Variants in LNX2 observed in about 807,000 individuals in gnomAD.
The protein encoded by LNX2 is ligand of numb-protein X 2.
LNX2 carries 35 observed loss-of-function variants against 66.2 expected under a neutral mutation model. The observed-to-expected ratio is 0.53, with a 90% CI of 0.40 to 0.70. The LOEUF is 0.70. Ranked by LOEUF, LNX2 falls within the 30% of genes least tolerant of loss-of-function variation. The pLI is 0.00. For missense variants in LNX2, 791 were observed against 850.8 expected (o/e 0.93, Z 0.87); for synonymous variants, 337 against 315.6 (o/e 1.07, Z -0.72).
chr13:27,567,013 C>T (rs951308081), intron 4 of LNX2, among the ~76,000 whole-genome samples: 1 of 152,028 alleles, frequency 6.6e-6, no homozygotes, highest in African/African-American at 2.4e-5. Flanking sequence ...CTGGAGAATA[C>T]CTGTTTCTTC....
At chr13:27,613,332 G>C (rs1023957700) in intron 1 of LNX2, among the ~76,000 whole-genome samples, 3 of 152,090 alleles carry the variant, frequency 2.0e-5, no homozygotes, top group Non-Finnish European at 2.9e-5. Context: ...TGAGGGGGAG[G>C]GGGCACTCTA....
rs377695945 is a variant in LNX2 at position 27,562,437 on chromosome 13, C to A, written c.1200G>T (p.Pro400=). 1.9e-6 allele frequency: 3 copies of A among 1,613,864 alleles called. No homozygotes were observed. In the Admixed American group the frequency reaches 5.0e-5, roughly 27 times the overall value. The change falls in exon 5 of 10, where the codon CCG becomes CCT. Residue 400 remains proline (P), a synonymous_variant. Coordinates refer to ENST00000316334, the MANE Select transcript of LNX2 (RefSeq NM_153371.4). ...CCTGAATAATCTGGGCAGCAAGCTCCGGAGTTCCATACTTCAGGTCGTGCC... is the reference window on the plus strand; with the variant it reads ...CCTGAATAATCTGGGCAGCAAGCTCAGGAGTTCCATACTTCAGGTCGTGCC... The part of the protein sequence containing the change: ...INGHDLKYGT[P]ELAAQIIQAS...
Position 27,562,668 on chromosome 13 carries a change from T to C in LNX2, c.969A>G (p.Arg323=). The change falls in exon 5 of 10, where the codon CGA becomes CGG. Residue 323 remains arginine (R), a synonymous_variant. Coordinates refer to ENST00000316334, the MANE Select transcript of LNX2 (RefSeq NM_153371.4). ...AGTTACTATCAGAATGGTTGTGTGC[T>C]CGGTTGCCAAAGCGCCTCTCTCGAA... The part of the protein sequence containing the change: ...TVLRERRFGN[R]AHNHSDSNSP... 1 of 1,614,160 alleles carries C rather than the reference T, an allele frequency of 6.2e-7. No homozygotes were observed. The highest frequency in any genetic ancestry group is 8.5e-7 in the Non-Finnish European group (1 of 1,180,024).
intron 1 of LNX2, among the ~76,000 whole-genome samples, chr13:27,594,319 T>C (rs1362947162): frequency 6.6e-6 from 1 of 152,168 alleles, no homozygotes; most frequent in Non-Finnish European, 1.5e-5. Flanking sequence ...ATCAATTGAT[T>C]TGAACTCAAC....
At chr13:27,585,833 G>A (rs1283438774) in intron 1 of LNX2, among the ~76,000 whole-genome samples, 1 of 151,872 alleles carries the variant, frequency 6.6e-6, no homozygotes, top group African/African-American at 2.4e-5. Flanking sequence ...GACTAAGAAA[G>A]TATTTAAGAC....
intron 1 of LNX2, among the ~76,000 whole-genome samples, chr13:27,583,223 TGTGTGTGTGTGTGTGTG>T (rs1955430956): frequency 5.4e-5 from 1 of 18,414 alleles, no homozygotes; most frequent in Non-Finnish European, 9.7e-5. Flanking sequence ...TGTGTGTGTG[TGTGTGTGTGTGTGTGTG>T]TGTGTGTGTG....
intron 1 of LNX2, among the ~76,000 whole-genome samples, chr13:27,596,832 T>C (rs1485641133): frequency 1.3e-5 from 2 of 152,192 alleles, no homozygotes; most frequent in Non-Finnish European, 2.9e-5. Flanking sequence ...TACAATTGAA[T>C]AGAGCCAACA....
intron 1 of LNX2, among the ~76,000 whole-genome samples, chr13:27,584,891 G>A (rs988330435): frequency 6.6e-5 from 10 of 151,884 alleles, no homozygotes; most frequent in African/African-American, 1.5e-4. Context: ...GCTGAGGCAG[G>A]TAGATCAACT....
intron 4 of LNX2, 113 bp from the exon 5 acceptor site, chr13:27,562,894 G>T: frequency 9.7e-7 from 1 of 1,028,822 alleles, no homozygotes; most frequent in Non-Finnish European, 1.4e-6. Flanking sequence ...TGCTAAGTAT[G>T]GTGAGAATGC....
chr13:27,590,902 AT>A (rs1454751411), intron 1 of LNX2, among the ~76,000 whole-genome samples: 1 of 152,224 alleles, frequency 6.6e-6, no homozygotes, highest in Non-Finnish European at 1.5e-5. Flanking sequence ...GACACCAATA[AT>A]TTAAAAAGCA....
At chr13:27,594,496 T>A (rs1454662263) in intron 1 of LNX2, among the ~76,000 whole-genome samples, 1 of 152,206 alleles carries the variant, frequency 6.6e-6, no homozygotes, top group Non-Finnish European at 1.5e-5. Flanking sequence ...TTCTTCTTCA[T>A]AATGAGATAA....
intron 1 of LNX2, among the ~76,000 whole-genome samples, chr13:27,607,434 C>T (rs979566340): frequency 4.6e-5 from 7 of 152,156 alleles, no homozygotes; most frequent in Non-Finnish European, 8.8e-5. Flanking sequence ...CGGTTACAAA[C>T]CAAGAGTTCT....
rs1322671112 is a variant in LNX2, at chr13:27,581,593, C to G, written c.111G>C (p.Leu37Phe). 8.7e-6 allele frequency: 14 copies of G among 1,614,142 alleles called. No individual in the cohort carries two copies. The highest frequency in any genetic ancestry group is 1.2e-5 in the Non-Finnish European group (14 of 1,180,034). ...CATCCACTTCATTCTGGTAATTGTA[C>G]AAATGGTTTTCTCTTGTCCAGTGCT... is the stretch of plus-strand genomic sequence containing the variant. ...GQQHWTRENH[L>F]YNYQNEVDDD... The change falls in exon 2 of 10, where the codon TTG becomes TTC. Residue 37 changes from leucine (L) to phenylalanine (F), a missense_variant. By Grantham distance (22) the Leu-to-Phe change is conservative. Coordinates refer to ENST00000316334, the MANE Select transcript of LNX2 (RefSeq NM_153371.4).
intron 1 of LNX2, among the ~76,000 whole-genome samples, chr13:27,605,472 T>C (rs1269095856): frequency 6.6e-6 from 1 of 152,178 alleles, no homozygotes; most frequent in African/African-American, 2.4e-5. Flanking sequence ...TAAACTAAAA[T>C]GATCTTTAAA....
At chr13:27,591,257 T>C (rs911954302) in intron 1 of LNX2, among the ~76,000 whole-genome samples, 12 of 152,334 alleles carry the variant, frequency 7.9e-5, no homozygotes, top group Middle Eastern at 3.4e-3. Context: ...TACATTGTAA[T>C]TCATTACAGA....
intron 2 of LNX2, among the ~76,000 whole-genome samples, chr13:27,569,504 C>G (rs1955251374): frequency 6.6e-6 from 1 of 152,088 alleles, no homozygotes; most frequent in African/African-American, 2.4e-5. Flanking sequence ...TGGTATGTAT[C>G]CAAAGAATAC....
In LNX2 at chr13:27,567,702, C is replaced by T. The variant is rs767530586; in HGVS notation, c.793G>A (p.Val265Ile). ...CTGGCAATGACCCCATCCCGATAGA[C>T]CTCCTGGATGACAATGTTAATCAAA... ...TPLINIVIQE[V>I]YRDGVIARDG... Residue 265 changes from valine to isoleucine, a missense_variant, in exon 4 of 10, where the codon GTC becomes ATC. Physicochemically the swap from Val to Ile is conservative, Grantham distance 29. Transcript: ENST00000316334. 2 of 1,613,946 alleles carry T rather than the reference C, an allele frequency of 1.2e-6. No homozygotes were observed. Among genetic ancestry groups the T allele is most frequent in the Non-Finnish European group, 1.7e-6 (2 of 1,179,922 alleles).
At chr13:27,557,218 G>A (rs1179480241) in intron 6 of LNX2, among the ~76,000 whole-genome samples, 1 of 151,934 alleles carries the variant, frequency 6.6e-6, no homozygotes, top group East Asian at 1.9e-4. Flanking sequence ...GCCTTTACAT[G>A]CATTATTTCA....
chr13:27,566,181 G>A (rs771402161), intron 4 of LNX2, among the ~76,000 whole-genome samples: 1 of 152,172 alleles, frequency 6.6e-6, no homozygotes, highest in Non-Finnish European at 1.5e-5. Context: ...AGTGATGAAT[G>A]CCAATAATAA....
Sources: allele counts gnomAD v4.1 joint callset (sites outside exome capture counted in the v4.1 genomes callset), GRCh38; gene constraint gnomAD v4.1.1; transcripts MANE v1.5; gene names NCBI Gene and HGNC (gene_info 2026-07-23, HGNC 2026-07-21).